PDE11A: variants seen among roughly 807,000 people sequenced by gnomAD.
The protein encoded by PDE11A is dual 3',5'-cyclic-AMP and -GMP phosphodiesterase 11A.
A neutral mutation model predicts 100.5 loss-of-function variants in PDE11A; 100 were observed. That is an observed-to-expected ratio of 1.00 (90% CI 0.85 to 1.18). The LOEUF is 1.18. Among genes scored for constraint, PDE11A ranks in the 50% most tolerant of loss-of-function variants. The pLI, the probability that PDE11A is intolerant of heterozygous loss-of-function variation, is 0.00. For synonymous variants in PDE11A, 381 were observed against 420.8 expected, an observed-to-expected ratio of 0.91 and a Z score of 1.16; for missense variants, 1,141 against 1,152.6, an observed-to-expected ratio of 0.99 and a Z score of 0.15.
chr2:177,899,192 A>G (rs2105728825), intron 3 of PDE11A, among the ~76,000 whole-genome samples: 1 of 152,188 alleles, frequency 6.6e-6, no homozygotes, highest in East Asian at 1.9e-4. Context: ...TGGATCACAA[A>G]GTCAGGAGTT....
At chr2:177,734,367 G>T (rs2081741604) in intron 10 of PDE11A, among the ~76,000 whole-genome samples, 1 of 152,094 alleles carries the variant, frequency 6.6e-6, no homozygotes, top group African/African-American at 2.4e-5. Flanking sequence ...GAGATAAATA[G>T]TATTAGCAGA....
intron 2 of PDE11A, among the ~76,000 whole-genome samples, chr2:178,079,749 C>T (rs2087259588): frequency 6.6e-6 from 1 of 152,160 alleles, no homozygotes; most frequent in Non-Finnish European, 1.5e-5. Context: ...AATTTACGTT[C>T]CCACCAACAG....
intron 6 of PDE11A, among the ~76,000 whole-genome samples, chr2:177,823,401 A>G (rs1051154657): frequency 6.6e-6 from 1 of 152,212 alleles, no homozygotes; most frequent in Non-Finnish European, 1.5e-5. Flanking sequence ...CTTTACAATG[A>G]GTCTTCAAAG....
intron 1 of PDE11A, chr2:178,104,624 A>AGT: frequency 3.1e-6 from 2 of 646,438 alleles, no homozygotes. Context: ...GCAAGCTTTA[A>AGT]TGTATGAGTG....
rs559144800 is a variant in PDE11A, at chr2:177,918,839, A to G, written c.1072-13652T>C. Among the ~76,000 whole-genome samples, 4 of 152,312 alleles carry G rather than the reference A, an allele frequency of 2.6e-5. No individual in the cohort carries two copies. In the South Asian group the frequency reaches 8.3e-4, roughly 32 times the overall value. ...CCACAGAAATAATAAAGAAACTTGT[A>G]AAAGACTCATTCTCAGAAAAGGGGC... On this transcript the variant is annotated intron_variant, in intron 2 of 19. Transcript: ENST00000286063.
chr2:177,645,248 C>T (rs1334605998), intron 19 of PDE11A, among the ~76,000 whole-genome samples: 1 of 152,308 alleles, frequency 6.6e-6, no homozygotes, highest in Non-Finnish European at 1.5e-5. Context: ...TGCAGTGGCA[C>T]AAACTTGGCT....
At chr2:177,789,993 G>C (rs199590981) in intron 9 of PDE11A, among the ~76,000 whole-genome samples, 48,231 of 148,544 alleles carry the variant, frequency 0.32, 8,224 homozygotes, top group African/African-American at 0.38. Context: ...CAATGCCATC[G>C]CCATCAAGCT....
At chr2:177,963,854 T>G (rs1037607138) in intron 2 of PDE11A, among the ~76,000 whole-genome samples, 1 of 152,146 alleles carries the variant, frequency 6.6e-6, no homozygotes, top group East Asian at 1.9e-4. Context: ...ACCATCCAGC[T>G]GCACCCCTTC....
chr2:177,655,529 T>C (rs1488770942), intron 19 of PDE11A, among the ~76,000 whole-genome samples: 1 of 151,946 alleles, frequency 6.6e-6, no homozygotes, highest in African/African-American at 2.4e-5. Flanking sequence ...CGTTCTTTTT[T>C]ACTTTTCCTT....
At chr2:178,053,518 A>G (rs2086855708) in intron 1 of PDE11A, among the ~76,000 whole-genome samples, 1 of 152,214 alleles carries the variant, frequency 6.6e-6, no homozygotes, top group Non-Finnish European at 1.5e-5. Flanking sequence ...GGCCAGGGCA[A>G]TCAGGCAGGA....
At chr2:177,913,582 T>G (rs1422111995) in intron 2 of PDE11A, among the ~76,000 whole-genome samples, 3 of 152,282 alleles carry the variant, frequency 2.0e-5, no homozygotes, top group East Asian at 3.9e-4. Flanking sequence ...CTTCTGGATG[T>G]TTTATGGCTA....
At chr2:177,735,685 G>C (rs1574091234) in intron 10 of PDE11A, among the ~76,000 whole-genome samples, 1 of 152,190 alleles carries the variant, frequency 6.6e-6, no homozygotes, top group Non-Finnish European at 1.5e-5. Flanking sequence ...TCCTCTAATA[G>C]GCTTGGACCC....
chr2:177,799,779 T>C (rs6433695), intron 9 of PDE11A, among the ~76,000 whole-genome samples: 124,462 of 152,088 alleles, frequency 0.82, 51,199 homozygotes, highest in East Asian at 0.98. Context: ...TGAGCTCTCA[T>C]TCAGAGACCC....
intron 10 of PDE11A, among the ~76,000 whole-genome samples, chr2:177,737,274 A>T (rs1309108089): frequency 8.2e-5 from 12 of 145,630 alleles, no homozygotes; most frequent in Non-Finnish European, 1.8e-4. Flanking sequence ...TAAATAAAAT[A>T]AAATAAAATA....
At chr2:177,903,438 T>C (rs576309989) in intron 3 of PDE11A, among the ~76,000 whole-genome samples, 183 of 152,338 alleles carry the variant, frequency 1.2e-3, no homozygotes, top group Non-Finnish European at 1.9e-3. Context: ...CTAATATGTA[T>C]TGTTCTCATG....
At chr2:177,800,209 G>T (rs1313998691) in intron 9 of PDE11A, among the ~76,000 whole-genome samples, 5 of 148,272 alleles carry the variant, frequency 3.4e-5, no homozygotes, top group Non-Finnish European at 7.5e-5. Context: ...ACAGGGTCTT[G>T]CTTTCTTCCC....
intron 2 of PDE11A, among the ~76,000 whole-genome samples, chr2:177,933,617 G>C (rs1216496914): frequency 6.6e-6 from 1 of 151,918 alleles, no homozygotes; most frequent in African/African-American, 2.4e-5. Context: ...GGAGGTGGAG[G>C]TTGCAGTGAG....
At chr2:177,630,631 C>T (rs1269122881) in intron 19 of PDE11A, among the ~76,000 whole-genome samples, 1 of 152,164 alleles carries the variant, frequency 6.6e-6, no homozygotes, top group Non-Finnish European at 1.5e-5. Flanking sequence ...CTATTCTCTA[C>T]TTTACTGATT....
intron 2 of PDE11A, among the ~76,000 whole-genome samples, chr2:177,935,428 A>G (rs2085260220): frequency 1.3e-5 from 2 of 152,224 alleles, no homozygotes; most frequent in South Asian, 4.1e-4. Flanking sequence ...TCATTTTACC[A>G]TATTGATTTA....
Sources: gnomAD v4.1 joint callset for allele counts (sites outside exome capture counted in the v4.1 genomes callset) on GRCh38, gnomAD v4.1.1 for gene constraint, MANE v1.5 for transcripts, NCBI Gene and HGNC (gene_info 2026-07-23, HGNC 2026-07-21) for gene names.